Variants in ZNF831 observed in about 807,000 individuals in gnomAD.
ZNF831 encodes chromosome 20 open reading frame 174.
A neutral mutation model predicts 95.8 loss-of-function variants in ZNF831; 59 were observed. The observed-to-expected ratio is 0.62, with a 90% CI of 0.50 to 0.77. The LOEUF is 0.77. ZNF831 is among the 30% of genes least tolerant of loss of function. The pLI, the probability that ZNF831 is intolerant of heterozygous loss-of-function variation, is 0.00. For missense variants in ZNF831, 2,205 were observed against 2,164.0 expected (o/e 1.02, Z -0.38); for synonymous variants, 961 against 925.5 (o/e 1.04, Z -0.70).
At chr20:59,186,301 T>A (rs1022947862) in intron 1 of ZNF831, among the ~76,000 whole-genome samples, 5 of 151,984 alleles carry the variant, frequency 3.3e-5, no homozygotes, top group African/African-American at 9.7e-5. Context: ...CGAGACAGCA[T>A]CCCTTGCTAG....
intron 4 of ZNF831, among the ~76,000 whole-genome samples, chr20:59,236,598 G>A (rs1428273739): frequency 7.2e-6 from 1 of 138,188 alleles, no homozygotes; most frequent in Non-Finnish European, 1.5e-5. Flanking sequence ...GTTGCACCAT[G>A]TTGTCCAGTC....
chr20:59,187,590 A>G (rs901051029), intron 1 of ZNF831, among the ~76,000 whole-genome samples: 1 of 152,220 alleles, frequency 6.6e-6, no homozygotes, highest in Non-Finnish European at 1.5e-5. Context: ...TTGCTCAATG[A>G]AGACAATACT....
chr20:59,189,317 A>T (rs1983319190), intron 1 of ZNF831, among the ~76,000 whole-genome samples: 1 of 152,204 alleles, frequency 6.6e-6, no homozygotes, highest in Non-Finnish European at 1.5e-5. Context: ...ATTTTAAGTT[A>T]TCCAGTTGTC....
In ZNF831 at chr20:59,157,287, A is replaced by T. The variant is rs536353873; in HGVS notation, c.-1280-2365A>T. Among the ~76,000 whole-genome samples the T allele has an allele frequency of 3.2e-4, 48 of 152,354 alleles. No homozygotes were observed. The East Asian group carries it at 4.8e-3, about 15-fold the overall frequency. ...ACCTCCCACAAATGAGCGAGAAAGA[A>T]GAAAACAAAATTAAAAACTAAAATG... is the stretch of plus-strand genomic sequence containing the variant. On this transcript the variant is annotated intron_variant, in intron 2 of 7. Coordinates refer to the ZNF831 transcript ENST00000637017.
intron 4 of ZNF831, among the ~76,000 whole-genome samples, chr20:59,213,168 A>G (rs1034241460): frequency 3.3e-5 from 5 of 152,220 alleles, no homozygotes; most frequent in Non-Finnish European, 4.4e-5. Flanking sequence ...TGCGAGGTAA[A>G]TAGTCCATTG....
At chr20:59,138,439 C>T (rs927654078) in intron 1 of ZNF831, among the ~76,000 whole-genome samples, 2 of 151,836 alleles carry the variant, frequency 1.3e-5, no homozygotes, top group Non-Finnish European at 2.9e-5. Flanking sequence ...TTCAGTCTCG[C>T]TGGCCCCCGT....
chr20:59,146,994 G>A (rs1163643445), intron 2 of ZNF831: 2 of 152,426 alleles, frequency 1.3e-5, no homozygotes, highest in South Asian at 2.1e-4. Context: ...ACAACCATGG[G>A]AGCAGGAGAA....
intron 2 of ZNF831, among the ~76,000 whole-genome samples, chr20:59,149,605 C>T (rs997946164): frequency 2.6e-5 from 4 of 152,230 alleles, no homozygotes; most frequent in Admixed American, 2.6e-4. Flanking sequence ...AAAGGGTTCC[C>T]TCCTGAGTGA....
intron 1 of ZNF831, among the ~76,000 whole-genome samples, chr20:59,140,716 C>T (rs772829581): frequency 2.0e-4 from 30 of 152,214 alleles, no homozygotes; most frequent in African/African-American, 2.4e-4. Flanking sequence ...CACATCTTTG[C>T]CAGCATTTGG....
At chr20:59,177,831 G>A (rs1010758110) in intron 1 of ZNF831, among the ~76,000 whole-genome samples, 2 of 152,176 alleles carry the variant, frequency 1.3e-5, no homozygotes, top group African/African-American at 2.4e-5. Context: ...AATGTGACAC[G>A]ATGTTGCCTG....
chr20:59,247,539 C>A (rs999990526), intron 4 of ZNF831, among the ~76,000 whole-genome samples: 1 of 152,084 alleles, frequency 6.6e-6, no homozygotes, highest in Non-Finnish European at 1.5e-5. Context: ...AAATAACTGT[C>A]CACAAAGTTA....
rs2146541932 is a variant in ZNF831, at chr20:59,191,053, C to G, written c.34C>G (p.Pro12Ala). ...EVPEPTCPAPPARDQPAPTPG... is the reference protein window; with the variant it reads ...EVPEPTCPAPAARDQPAPTPG... ...TCCAGAACCCACCTGCCCTGCCCCT[C>G]CTGCGAGGGACCAGCCAGCTCCCAC... Residue 12 changes from proline (P) to alanine (A), a missense_variant, in exon 2 of 6, where the codon CCT (proline) becomes GCT (alanine). Coordinates refer to ENST00000371030, the MANE Select transcript of ZNF831 (RefSeq NM_178457.3). 6.7e-7 allele frequency: 1 copy of G among 1,497,342 alleles called. No individual in the cohort carries two copies. Among genetic ancestry groups the G allele is most frequent in the Admixed American group, 2.4e-5 (1 of 42,078 alleles). 92.8% of individuals were successfully genotyped at this position (1,497,342 alleles called of 1,614,324 possible). A position where few individuals can be genotyped will look rare whatever the true frequency, so the allele number is the denominator to read the frequency against.
chr20:59,233,380 T>G (rs1568786413), intron 4 of ZNF831, among the ~76,000 whole-genome samples: 1 of 151,954 alleles, frequency 6.6e-6, no homozygotes, highest in African/African-American at 2.4e-5. Flanking sequence ...CCTGGTGTGG[T>G]GGGGGAAAAA....
intron 1 of ZNF831, among the ~76,000 whole-genome samples, chr20:59,130,362 G>T (rs935848148): frequency 6.6e-6 from 1 of 152,148 alleles, no homozygotes; most frequent in South Asian, 2.1e-4. Context: ...AGGTGTGAGG[G>T]TTTGCAAAGT....
In ZNF831 at chr20:59,217,162, C is replaced by CTGTGTGTGTGTGTGTGTGTGTG. The variant is rs201079519; in HGVS notation, c.4027+10118_4027+10139dup. On this transcript the variant is annotated intron_variant, in intron 4 of 5. Transcript: ENST00000371030. The surrounding 1 kb of genome is among the most constrained non-coding windows in gnomAD (Gnocchi z 4.4). ...GAGTACATCTGACAGATCTTCATCTCTGTGTGTGTGTGTGTGTGTGTGTGT... is the reference window on the plus strand; with the variant it reads ...GAGTACATCTGACAGATCTTCATCTCTGTGTGTGTGTGTGTGTGTGTGTGTGTGTGTGTGTGTGTGTGTGTGT... Among the ~76,000 whole-genome samples, 1 of 148,618 alleles carries CTGTGTGTGTGTGTGTGTGTGTG rather than the reference C, an allele frequency of 6.7e-6. No homozygotes were observed. The highest frequency in any genetic ancestry group is 2.5e-5 in the African/African-American group (1 of 40,146).
At chr20:59,133,020 T>A (rs926036488) in intron 1 of ZNF831, among the ~76,000 whole-genome samples, 1 of 148,738 alleles carries the variant, frequency 6.7e-6, no homozygotes, top group Non-Finnish European at 1.5e-5. Flanking sequence ...CGGTCCTGCA[T>A]GACGTCCGTA....
chr20:59,188,656 C>CAATAAATAAATA (rs57692294), intron 1 of ZNF831, among the ~76,000 whole-genome samples: 17 of 149,232 alleles, frequency 1.1e-4, no homozygotes, highest in South Asian at 6.4e-4. Context: ...GACTCCATCT[C>CAATAAATAAATA]AATAAATAAA....
chr20:59,156,262 A>G (rs1039371177), intron 2 of ZNF831, among the ~76,000 whole-genome samples: 10 of 152,170 alleles, frequency 6.6e-5, no homozygotes, highest in Admixed American at 5.9e-4. Flanking sequence ...GCTGACTGCA[A>G]TGGCTCCCGC....
chr20:59,176,590 A>AC (rs1353295687), intron 1 of ZNF831, among the ~76,000 whole-genome samples: 1 of 151,980 alleles, frequency 6.6e-6, no homozygotes, highest in Non-Finnish European at 1.5e-5. Context: ...TTTCTGAGTA[A>AC]CCCCCCTAGA....
Sources: allele counts gnomAD v4.1 joint callset (sites outside exome capture counted in the v4.1 genomes callset), GRCh38; gene constraint gnomAD v4.1.1; non-coding constraint Gnocchi (gnomAD v3.1); transcripts MANE v1.5; gene names NCBI Gene and HGNC (gene_info 2026-07-23, HGNC 2026-07-21).